The following C1GALT1 variants were observed in gnomAD, a reference collection of about 807,000 sequenced individuals.
C1GALT1 encodes glycoprotein-N-acetylgalactosamine 3-beta-galactosyltransferase 1.
Under a neutral mutation model 31.0 loss-of-function variants are expected in C1GALT1, and 11 were observed. The observed-to-expected ratio is 0.36, with a 90% CI of 0.22 to 0.59. The LOEUF (loss-of-function observed/expected upper bound fraction) is 0.59. C1GALT1 is among the 20% of genes least tolerant of loss of function. The probability of loss-of-function intolerance (pLI) is 0.79; values close to 1 mark genes in which losing one functional copy is unlikely to be tolerated. For missense variants in C1GALT1, 424 were observed against 425.2 expected (o/e 1.00, Z 0.03); for synonymous variants, 175 against 143.6 (o/e 1.22, Z -1.56).
chr7:7,234,455 C>G lies in C1GALT1; in HGVS notation c.136C>G (p.Pro46Ala). Reference protein sequence around the residue: ...DTQPNVLHNDPHARHSDDNGQ... With the variant: ...DTQPNVLHNDAHARHSDDNGQ... ...CCAGCCTAATGTTCTTCATAATGATCCTCATGCAAGGCATTCAGATGATAA... is the reference window on the plus strand; with the variant it reads ...CCAGCCTAATGTTCTTCATAATGATGCTCATGCAAGGCATTCAGATGATAA... Residue 46 changes from proline to alanine, a missense_variant, in exon 2 of 4, where the codon CCT becomes GCT. Pro to Ala is a conservative substitution (Grantham distance 27). Coordinates refer to ENST00000436587, the MANE Select transcript of C1GALT1 (RefSeq NM_020156.5). 1 of 1,613,916 alleles carries G rather than the reference C, an allele frequency of 6.2e-7. No individual in the cohort carries two copies. Among genetic ancestry groups the G allele is most frequent in the Non-Finnish European group, 8.5e-7 (1 of 1,179,904 alleles).
At chr7:7,161,966 C>G (rs945005253) in intron 2 of C1GALT1, among the ~76,000 whole-genome samples, 1 of 151,870 alleles carries the variant, frequency 6.6e-6, no homozygotes, top group Admixed American at 6.6e-5. Context: ...GTGAACAGTT[C>G]AAAAACTTTA....
intron 2 of C1GALT1, among the ~76,000 whole-genome samples, chr7:7,165,042 T>C (rs1780376915): frequency 6.6e-6 from 1 of 152,180 alleles, no homozygotes; most frequent in Admixed American, 6.5e-5. Flanking sequence ...TTCTTTTAGA[T>C]TTGAAAGCCT....
At chr7:7,188,035 A>G (rs992826385) in intron 1 of C1GALT1, among the ~76,000 whole-genome samples, 2 of 152,138 alleles carry the variant, frequency 1.3e-5, no homozygotes, top group Admixed American at 6.5e-5. Context: ...GAGGGATAGC[A>G]CTTGAGTCAG....
chr7:7,189,404 A>C (rs1395284701), intron 1 of C1GALT1, among the ~76,000 whole-genome samples: 1 of 152,158 alleles, frequency 6.6e-6, no homozygotes, highest in East Asian at 1.9e-4. Flanking sequence ...CAGGACTACC[A>C]GTTTTCTTGT....
At chr7:7,166,789 C>A (rs1033377394) in intron 2 of C1GALT1, among the ~76,000 whole-genome samples, 6 of 152,302 alleles carry the variant, frequency 3.9e-5, no homozygotes, top group African/African-American at 9.6e-5. Context: ...AACATTAAAT[C>A]AGTAAGGCAA....
intron 2 of C1GALT1, among the ~76,000 whole-genome samples, chr7:7,176,410 A>T (rs1306181615): frequency 6.6e-6 from 1 of 152,242 alleles, no homozygotes; most frequent in Non-Finnish European, 1.5e-5. Flanking sequence ...AACTAAAGAA[A>T]CTTCAACTAT....
At chr7:7,227,584 G>C (rs1242247702) in intron 1 of C1GALT1, among the ~76,000 whole-genome samples, 2 of 151,548 alleles carry the variant, frequency 1.3e-5, no homozygotes, top group Admixed American at 6.6e-5. Context: ...GCCGGGCGTA[G>C]TGGCGGGCGC....
chr7:7,216,642 G>A (rs937232730), intron 1 of C1GALT1, among the ~76,000 whole-genome samples: 2 of 152,110 alleles, frequency 1.3e-5, no homozygotes, highest in Non-Finnish European at 2.9e-5. Context: ...GTTAACTTCC[G>A]AACTTAAACT....
At chr7:7,237,827 G>A (rs1024262494) in intron 2 of C1GALT1, among the ~76,000 whole-genome samples, 7 of 152,112 alleles carry the variant, frequency 4.6e-5, no homozygotes, top group Admixed American at 1.3e-4. Context: ...ATTAAAAACT[G>A]GCTGCTTTCT....
intron 2 of C1GALT1, 128 bp downstream of exon 2, chr7:7,234,667 C>A: frequency 2.9e-6 from 2 of 679,692 alleles, no homozygotes; most frequent in Non-Finnish European, 2.4e-6. Context: ...TCTTGGTTTG[C>A]CTCAAGAGAA....
At position 7,199,001 on chromosome 7, in the gene C1GALT1, A is replaced by AT. The variant is rs545257141; in HGVS notation, c.-18+16189dup. ...AAAAAACCAGCTCCTGGATTCACTGATTTTTTTTGAAGGGTTTTTTGTGTC... is the reference window on the plus strand; with the variant it reads ...AAAAAACCAGCTCCTGGATTCACTGATTTTTTTTTGAAGGGTTTTTTGTGTC... On this transcript the variant is annotated intron_variant, in intron 1 of 3. Coordinates refer to ENST00000436587, the MANE Select transcript of C1GALT1 (RefSeq NM_020156.5). Among the ~76,000 whole-genome samples, 1,379 of 151,886 alleles carry AT rather than the reference A, an allele frequency of 9.1e-3. 8 individuals are homozygous for AT. The highest frequency in any genetic ancestry group is 0.027 in the Middle Eastern group (8 of 294).
chr7:7,190,614 T>C, intron 1 of C1GALT1, among the ~76,000 whole-genome samples: 1 of 152,288 alleles, frequency 6.6e-6, no homozygotes. Context: ...TATTTTTATA[T>C]GTAGTAAACT....
chr7:7,229,301 T>G (rs1782952337), intron 1 of C1GALT1, among the ~76,000 whole-genome samples: 2 of 152,170 alleles, frequency 1.3e-5, no homozygotes, highest in South Asian at 4.1e-4. Flanking sequence ...CAGTGTGCTG[T>G]AAGGCAAAGT....
chr7:7,192,264 C>T (rs1168098642), intron 1 of C1GALT1, among the ~76,000 whole-genome samples: 2 of 151,870 alleles, frequency 1.3e-5, no homozygotes, highest in Admixed American at 1.3e-4. Context: ...TACACAGTAC[C>T]CAATGTGTAG....
chr7:7,192,390 T>C (rs572769158), intron 1 of C1GALT1, among the ~76,000 whole-genome samples: 7 of 152,252 alleles, frequency 4.6e-5, no homozygotes, highest in Non-Finnish European at 8.8e-5. Context: ...CAACTTACAA[T>C]GTTTGGTTTT....
At chr7:7,188,614 G>C (rs932529197) in intron 1 of C1GALT1, among the ~76,000 whole-genome samples, 9 of 152,110 alleles carry the variant, frequency 5.9e-5, no homozygotes, top group African/African-American at 2.2e-4. Context: ...GTCCTTCCTT[G>C]CTCATGCCAC....
chr7:7,225,614 A>G (rs62450008), intron 1 of C1GALT1, among the ~76,000 whole-genome samples: 3,776 of 152,290 alleles, frequency 0.025, 59 homozygotes, highest in Non-Finnish European at 0.035. Context: ...AGTCTTTAGC[A>G]GTGTGTTTTT....
upstream of C1GALT1, among the ~76,000 whole-genome samples, chr7:7,180,803 T>G (rs1196249166): frequency 6.6e-6 from 1 of 152,088 alleles, no homozygotes; most frequent in African/African-American, 2.4e-5. Flanking sequence ...GGCGGGAAGA[T>G]TGCTTCAGCC....
chr7:7,207,999 C>G (rs1397101624), intron 1 of C1GALT1, among the ~76,000 whole-genome samples: 1 of 152,130 alleles, frequency 6.6e-6, no homozygotes, highest in East Asian at 1.9e-4. Context: ...CAGAAATAAA[C>G]AGTTCATAAG....
Sources: allele counts gnomAD v4.1 joint callset (sites outside exome capture counted in the v4.1 genomes callset), GRCh38; gene constraint gnomAD v4.1.1; transcripts MANE v1.5; gene names NCBI Gene and HGNC (gene_info 2026-07-23, HGNC 2026-07-21).